Variants in PCDH15 observed in about 807,000 individuals in gnomAD.
The protein encoded by PCDH15 is protocadherin-15.
In PCDH15, 129 loss-of-function variants were observed where a neutral mutation model predicts 178.5. The ratio of observed to expected loss-of-function variants is 0.72; its 90% CI spans 0.63 to 0.84. The LOEUF (loss-of-function observed/expected upper bound fraction) is 0.84. Among genes scored for constraint, PCDH15 ranks in the 40% least tolerant of loss-of-function variants. PCDH15 has a pLI of 0.00. For synonymous variants in PCDH15, 800 were observed against 732.0 expected, an observed-to-expected ratio of 1.09 and a Z score of -1.50; for missense variants, 2,230 against 2,099.9, an observed-to-expected ratio of 1.06 and a Z score of -1.21.
At chr10:54,001,163 A>AGGTCTGGT (rs1402618664) in intron 20 of PCDH15, among the ~76,000 whole-genome samples, 1 of 152,200 alleles carries the variant, frequency 6.6e-6, no homozygotes, top group Non-Finnish European at 1.5e-5. Context: ...CATCAACACC[A>AGGTCTGGT]GACCTGTCCT....
chr10:54,357,496 G>C (rs1264891251), intron 5 of PCDH15, among the ~76,000 whole-genome samples: 1 of 151,974 alleles, frequency 6.6e-6, no homozygotes, highest in Non-Finnish European at 1.5e-5. Context: ...ACAAACCACT[G>C]CTCAATGAAA....
chr10:54,617,302 T>C (rs1590564254), intron 2 of PCDH15, among the ~76,000 whole-genome samples: 1 of 152,106 alleles, frequency 6.6e-6, no homozygotes, highest in Non-Finnish European at 1.5e-5. Flanking sequence ...AATTTTAAGA[T>C]CTTGTAAGAT....
At chr10:53,978,961 C>A (rs1161941164) in intron 21 of PCDH15, among the ~76,000 whole-genome samples, 1 of 152,160 alleles carries the variant, frequency 6.6e-6, no homozygotes, top group Non-Finnish European at 1.5e-5. Context: ...TTCAACAAAT[C>A]TCTATGAAGT....
intron 3 of PCDH15, among the ~76,000 whole-genome samples, chr10:54,507,390 A>G (rs1267274085): frequency 4.6e-5 from 7 of 151,816 alleles, no homozygotes; most frequent in Admixed American, 4.6e-4. Flanking sequence ...ATGCTTTTTA[A>G]TGCCTTTACA....
intron 1 of PCDH15, among the ~76,000 whole-genome samples, chr10:55,187,400 A>C (rs1249752662): frequency 6.6e-6 from 1 of 152,014 alleles, no homozygotes; most frequent in Non-Finnish European, 1.5e-5. Context: ...GTTGTATTCG[A>C]ATGTAAACTT....
At position 54,212,909 on chromosome 10, in the gene PCDH15, C is replaced by T. The variant is rs146215292; in HGVS notation, c.1098+1027G>A. On this transcript the variant is annotated intron_variant, in intron 10 of 37. Transcript: ENST00000644397. The stretch of plus-strand genomic sequence containing the variant: ...CTCTAAGGTAATCACTTACCTTATC[C>T]GAACTTTAGTTTCCCCATTTTGTGC... Among the ~76,000 whole-genome samples, 424 of 152,172 alleles carry T rather than the reference C, an allele frequency of 2.8e-3. 1 individual carries two copies. The highest frequency in any genetic ancestry group is 9.6e-3 in the African/African-American group (400 of 41,526).
intron 2 of PCDH15, among the ~76,000 whole-genome samples, chr10:55,382,226 G>A (rs910798177): frequency 6.6e-6 from 1 of 151,906 alleles, no homozygotes; most frequent in Admixed American, 6.6e-5. Context: ...CCTCTGCCTT[G>A]GTAGGCAGAA....
chr10:54,577,396 A>AT (rs2090596553), intron 2 of PCDH15, among the ~76,000 whole-genome samples: 1 of 151,876 alleles, frequency 6.6e-6, no homozygotes, highest in Non-Finnish European at 1.5e-5. Flanking sequence ...CCGGCTGAAA[A>AT]TTTTAATTTC....
intron 37 of PCDH15, among the ~76,000 whole-genome samples, chr10:53,807,557 AAAT>A (rs1195360000): frequency 3.3e-5 from 5 of 152,178 alleles, no homozygotes; most frequent in Admixed American, 6.5e-5. Flanking sequence ...AATATTTAAA[AAAT>A]ATTTTTAAAC....
chr10:54,297,626 A>T (rs572827094), intron 8 of PCDH15, among the ~76,000 whole-genome samples: 84 of 152,272 alleles, frequency 5.5e-4, no homozygotes, highest in Non-Finnish European at 9.0e-4. Flanking sequence ...ATAAGAAAAG[A>T]AATATCCAAA....
chr10:55,476,424 G>A (rs1840063408), intron 2 of PCDH15, among the ~76,000 whole-genome samples: 1 of 151,876 alleles, frequency 6.6e-6, no homozygotes, highest in African/African-American at 2.4e-5. Flanking sequence ...CTAGATTCAT[G>A]TTCTTCTGAT....
chr10:55,259,205 G>T (rs1842087114), intron 1 of PCDH15, among the ~76,000 whole-genome samples: 1 of 152,144 alleles, frequency 6.6e-6, no homozygotes, highest in Admixed American at 6.5e-5. Flanking sequence ...TTCAACACAA[G>T]AGTCTTTGCT....
intron 2 of PCDH15, among the ~76,000 whole-genome samples, chr10:55,023,796 CAT>C: frequency 6.6e-6 from 1 of 150,784 alleles, no homozygotes; most frequent in East Asian, 1.9e-4. Context: ...CACACATATT[CAT>C]ATATATATTC....
intron 9 of PCDH15, among the ~76,000 whole-genome samples, chr10:54,216,686 A>G (rs1338304130): frequency 6.6e-6 from 1 of 152,200 alleles, no homozygotes. Flanking sequence ...CACTTTGGAC[A>G]CTGGTGGTGT....
chr10:54,068,406 G>A (rs558136612), intron 17 of PCDH15, among the ~76,000 whole-genome samples: 31 of 152,012 alleles, frequency 2.0e-4, no homozygotes, highest in African/African-American at 6.8e-4. Flanking sequence ...TTAAAGACAC[G>A]TACAAAGATG....
chr10:54,905,974 T>C (rs900416802), intron 2 of PCDH15, among the ~76,000 whole-genome samples: 1 of 152,130 alleles, frequency 6.6e-6, no homozygotes, highest in Non-Finnish European at 1.5e-5. Context: ...GCCTTACATC[T>C]GGTAACAATG....
At chr10:54,567,343 G>T (rs1216419004) in intron 2 of PCDH15, among the ~76,000 whole-genome samples, 2 of 152,026 alleles carry the variant, frequency 1.3e-5, no homozygotes, top group East Asian at 1.9e-4. Flanking sequence ...TTCAATGAAG[G>T]TCAGATTATC....
intron 3 of PCDH15, among the ~76,000 whole-genome samples, chr10:54,836,273 A>G (rs1190423501): frequency 6.6e-6 from 1 of 152,172 alleles, no homozygotes; most frequent in Non-Finnish European, 1.5e-5. Flanking sequence ...CTGAATGATC[A>G]GAAATGGAGA....
At chr10:55,155,531 A>G (rs2132106423) in intron 2 of PCDH15, among the ~76,000 whole-genome samples, 1 of 151,032 alleles carries the variant, frequency 6.6e-6, no homozygotes, top group African/African-American at 2.4e-5. Context: ...TAAATAATTA[A>G]TAAAAATATC....
Sources: allele counts gnomAD v4.1 joint callset (sites outside exome capture counted in the v4.1 genomes callset), GRCh38; gene constraint gnomAD v4.1.1; transcripts MANE v1.5; gene names NCBI Gene and HGNC (gene_info 2026-07-23, HGNC 2026-07-21).